Variants in SLC8A1 observed in about 807,000 individuals in gnomAD.
SLC8A1 encodes the protein sodium/calcium exchanger 1.
A neutral mutation model predicts 68.3 loss-of-function variants in SLC8A1; 18 were observed. The ratio of observed to expected loss-of-function variants is 0.26; its 90% CI spans 0.18 to 0.39. SLC8A1 has a LOEUF of 0.39. Among genes scored for constraint, SLC8A1 ranks in the 10% least tolerant of loss-of-function variants. The probability of loss-of-function intolerance (pLI) is 1.00; values close to 1 mark genes in which losing one functional copy is unlikely to be tolerated. For synonymous variants in SLC8A1, 475 were observed against 415.5 expected (o/e 1.14, Z -1.74); for missense variants, 985 against 1,156.7 (o/e 0.85, Z 2.15).
chr2:40,146,523 C>T (rs962036081), intron 6 of SLC8A1, among the ~76,000 whole-genome samples: 6 of 152,016 alleles, frequency 3.9e-5, no homozygotes, highest in Non-Finnish European at 2.9e-5. Flanking sequence ...AAGCACATTA[C>T]ATGTATTTTG....
At chr2:40,289,125 T>C (rs2068846774) in intron 2 of SLC8A1, among the ~76,000 whole-genome samples, 1 of 151,936 alleles carries the variant, frequency 6.6e-6, no homozygotes, top group Non-Finnish European at 1.5e-5. Flanking sequence ...AAATGTATTA[T>C]AAAACTTTTA....
chr2:40,384,247 A>T (rs1682861063), intron 2 of SLC8A1, among the ~76,000 whole-genome samples: 1 of 152,090 alleles, frequency 6.6e-6, no homozygotes, highest in Non-Finnish European at 1.5e-5. Context: ...ACCGAGCAAG[A>T]CCCTGTCTCT....
At position 40,510,541 on chromosome 2, in the gene SLC8A1, A is replaced by C. The variant is rs551430876; in HGVS notation, c.-25+1808T>G. Among the ~76,000 whole-genome samples the C allele has an allele frequency of 3.9e-5, 6 of 152,320 alleles. No homozygotes were observed. In the South Asian group the frequency reaches 8.3e-4, roughly 21 times the overall value. ...AACCTTTTACATATTGAAAATTGCAAAGACTCCTGCTGTGCTGTTTCTTTT... is the reference window on the plus strand; with the variant it reads ...AACCTTTTACATATTGAAAATTGCACAGACTCCTGCTGTGCTGTTTCTTTT... On this transcript the variant is annotated intron_variant, in intron 1 of 7. Coordinates refer to the SLC8A1 transcript ENST00000402441.
intron 2 of SLC8A1, among the ~76,000 whole-genome samples, chr2:40,282,647 A>T (rs540041072): frequency 2.0e-5 from 3 of 152,328 alleles, no homozygotes; most frequent in East Asian, 3.9e-4. Flanking sequence ...TAGTACCGAA[A>T]TAAAAACATG....
intron 2 of SLC8A1, among the ~76,000 whole-genome samples, chr2:40,226,391 G>A (rs933074592): frequency 2.6e-5 from 4 of 152,114 alleles, no homozygotes; most frequent in Non-Finnish European, 5.9e-5. Flanking sequence ...ATTGTGGTCC[G>A]TAAGAAATTA....
intron 2 of SLC8A1, among the ~76,000 whole-genome samples, chr2:40,347,261 A>G (rs141715832): frequency 5.9e-5 from 9 of 152,318 alleles, no homozygotes; most frequent in African/African-American, 2.2e-4. Flanking sequence ...TTGGCCTCCC[A>G]AAGTGCTAGG....
chr2:40,250,647 T>C (rs891390910), intron 2 of SLC8A1: 1 of 152,306 alleles, frequency 6.6e-6, no homozygotes, highest in East Asian at 1.9e-4. Context: ...CATATTGTAG[T>C]GATCTGCTAC....
chr2:40,378,999 C>T (rs1290732232), intron 2 of SLC8A1, among the ~76,000 whole-genome samples: 1 of 152,102 alleles, frequency 6.6e-6, no homozygotes, highest in African/African-American at 2.4e-5. Flanking sequence ...TGTTCCCAGA[C>T]TGGAATGTTC....
intron 4 of SLC8A1, among the ~76,000 whole-genome samples, chr2:40,174,276 CGTATTTTCTCAACATGTATTTTTAT>C (rs1332386083): frequency 1.3e-5 from 2 of 152,004 alleles, no homozygotes; most frequent in South Asian, 4.1e-4. Context: ...TGTATTTTTA[CGTATTTTCTCAACATGTATTTTTAT>C]GTATTTTCTC....
chr2:40,362,997 T>C (rs1675048840), intron 2 of SLC8A1, among the ~76,000 whole-genome samples: 1 of 152,116 alleles, frequency 6.6e-6, no homozygotes, highest in Admixed American at 6.6e-5. Context: ...CAGTCCCTAG[T>C]ATGACCATAA....
intron 2 of SLC8A1, among the ~76,000 whole-genome samples, chr2:40,238,044 A>G (rs926344555): frequency 5.3e-5 from 8 of 152,200 alleles, no homozygotes; most frequent in African/African-American, 9.6e-5. Context: ...TGCAAAAGTT[A>G]CTGCTGTCTT....
intron 2 of SLC8A1, among the ~76,000 whole-genome samples, chr2:40,305,014 T>C (rs2149281116): frequency 6.6e-6 from 1 of 152,342 alleles, no homozygotes; most frequent in East Asian, 1.9e-4. Flanking sequence ...AAAATGAGGA[T>C]TCTGACTCAG....
intron 2 of SLC8A1, among the ~76,000 whole-genome samples, chr2:40,252,651 C>T (rs541524961): frequency 3.3e-5 from 5 of 152,134 alleles, no homozygotes; most frequent in African/African-American, 1.2e-4. Flanking sequence ...CAAGATAGTG[C>T]ATTTTTAAAT....
At chr2:40,318,042 G>C (rs1301000771) in intron 2 of SLC8A1, among the ~76,000 whole-genome samples, 1 of 152,056 alleles carries the variant, frequency 6.6e-6, no homozygotes, top group Admixed American at 6.6e-5. Context: ...TGATTTGAAA[G>C]AAGGCACTAA....
rs1431155308 is a variant in SLC8A1 at position 40,200,186 on chromosome 2, A to T, written c.1809-22331T>A. On this transcript the variant is annotated intron_variant, in intron 2 of 7. Transcript: ENST00000406785. ...TTTCAAGTCATTGATATATATATAT[A>T]TATATTTATATATATATATAAATAT... is the stretch of plus-strand genomic sequence containing the variant. Among the ~76,000 whole-genome samples the T allele has an allele frequency of 2.9e-3, 67 of 23,122 alleles. 3 individuals carry two copies. Among genetic ancestry groups the T allele is most frequent in the African/African-American group, 9.6e-3 (65 of 6,744 alleles). 15.2% of individuals were successfully genotyped at this position (23,122 alleles called of 152,430 possible). A position where few individuals can be genotyped will look rare whatever the true frequency, so the allele number is the denominator to read the frequency against.
intron 2 of SLC8A1, among the ~76,000 whole-genome samples, chr2:40,295,107 T>TA (rs1436620062): frequency 1.6e-4 from 22 of 141,794 alleles, no homozygotes; most frequent in African/African-American, 5.5e-4. Flanking sequence ...CAATTATTAT[T>TA]TTTTTTTTTT....
intron 1 of SLC8A1, among the ~76,000 whole-genome samples, chr2:40,475,592 T>G (rs940050455): frequency 5.9e-5 from 9 of 152,096 alleles, no homozygotes; most frequent in African/African-American, 1.4e-4. Flanking sequence ...TAAATACATA[T>G]GTACATGACA....
chr2:40,214,722 G>A (rs1262372989), intron 2 of SLC8A1, among the ~76,000 whole-genome samples: 1 of 152,108 alleles, frequency 6.6e-6, no homozygotes, highest in Non-Finnish European at 1.5e-5. Flanking sequence ...ACAGGCGTGA[G>A]CCACTGCATC....
rs1452640775 is a variant in SLC8A1, at chr2:40,102,217, C to G, written c.*13036G>C. ...CTATTTGTAGAAAATTCTATGGCCTCTATTCATAGAATACTATTTTAGTAA... is the reference window on the plus strand; with the variant it reads ...CTATTTGTAGAAAATTCTATGGCCTGTATTCATAGAATACTATTTTAGTAA... On this transcript the variant is annotated 3_prime_UTR_variant, in exon 8 of 8. Coordinates refer to ENST00000406785, the Ensembl canonical transcript of SLC8A1. 2.0e-5 allele frequency: 3 copies of G among 152,164 alleles called. No individual in the cohort carries two copies. In the East Asian group the frequency reaches 5.8e-4, roughly 29 times the overall value. The allele number at this position is 152,164 out of a possible 1,614,324, so 9.4% of individuals were successfully genotyped here.
Sources: allele counts gnomAD v4.1 joint callset (sites outside exome capture counted in the v4.1 genomes callset), GRCh38; gene constraint gnomAD v4.1.1; transcripts MANE v1.5; gene names NCBI Gene and HGNC (gene_info 2026-07-23, HGNC 2026-07-21).